Variants in GALNT15 observed in about 807,000 individuals in gnomAD.
The protein encoded by GALNT15 is UDP-GalNAc transferase T15.
GALNT15 carries 67 observed loss-of-function variants against 66.8 expected under a neutral mutation model. The observed-to-expected ratio is 1.00, with a 90% confidence interval of 0.82 to 1.23. The LOEUF is 1.23. Among genes scored for constraint, GALNT15 ranks in the 50% most tolerant of loss-of-function variants. GALNT15 has a pLI of 0.00. For missense variants in GALNT15, 827 were observed against 804.3 expected (o/e 1.03, Z -0.34); for synonymous variants, 313 against 311.5 (o/e 1.00, Z -0.05).
rs1484710163 is a variant in GALNT15 at position 16,224,039 on chromosome 3, T to C, written c.1773+1281T>C. 6.6e-6 allele frequency among the ~76,000 whole-genome samples: 1 copy of C among 152,160 alleles called. No individual in the cohort carries two copies. Among genetic ancestry groups the C allele is most frequent in the Non-Finnish European group, 1.5e-5 (1 of 68,034 alleles). ...AGTTAAGGTCCTTTATAAATGATCA[T>C]AAAGTATTTTTCTAAGCAAGTCCTA... is the stretch of plus-strand genomic sequence containing the variant. On this transcript the variant is annotated intron_variant, in intron 9 of 9. Coordinates refer to ENST00000339732, the MANE Select transcript of GALNT15 (RefSeq NM_054110.5). This position sits in a 1 kb window ranked among gnomAD's most constrained non-coding sequence, Gnocchi z 5.2.
chr3:16,199,638 G>C lies in GALNT15; in HGVS notation c.707-981G>C, dbSNP rs759787197. ...GTGAGTGATACAGAAGAGAGAGAGG[G>C]AAGAGCTGAACAAATATGTGGTTTC... On this transcript the variant is annotated intron_variant, in intron 2 of 9. Coordinates refer to ENST00000339732, the MANE Select transcript of GALNT15 (RefSeq NM_054110.5). 9.1e-5 allele frequency among the ~76,000 whole-genome samples: 9 copies of C among 98,854 alleles called. 2 individuals carry two copies. Among genetic ancestry groups the C allele is most frequent in the Non-Finnish European group, 1.6e-4 (7 of 43,876 alleles). 64.9% of individuals were successfully genotyped at this position (98,854 alleles called of 152,430 possible).
the GALNT15 span, among the ~76,000 whole-genome samples, chr3:16,240,041 T>C: frequency 6.6e-6 from 1 of 152,218 alleles, no homozygotes; most frequent in Non-Finnish European, 1.5e-5. Context: ...AATCCTCCCC[T>C]TCTTAGTCCA....
Position 16,204,052 on chromosome 3 carries a change from TA to T in GALNT15, c.911+3241del, listed in dbSNP as rs1268563817. ...AGAAAAGGGTCTTTAAGAGCTCTTA[TA>T]AAAAAAAAAAAGTGGGGTGGGAGTG... On this transcript the variant is annotated intron_variant, in intron 3 of 9. Coordinates refer to ENST00000339732, the MANE Select transcript of GALNT15 (RefSeq NM_054110.5). The surrounding 1 kb of genome is among the most constrained non-coding windows in gnomAD (Gnocchi z 4.5). Among the ~76,000 whole-genome samples the T allele has an allele frequency of 0.015, 2,138 of 140,620 alleles. 38 individuals carry two copies. Among genetic ancestry groups the T allele is most frequent in the African/African-American group, 0.046 (1,764 of 38,534 alleles). 92.3% of individuals were successfully genotyped at this position (140,620 alleles called of 152,430 possible).
At position 16,184,865 on chromosome 3, in the gene GALNT15, G is replaced by A. The variant is rs977162603; in HGVS notation, c.539+9175G>A. Among the ~76,000 whole-genome samples, 2 of 152,176 alleles carry A rather than the reference G, an allele frequency of 1.3e-5. No individual in the cohort carries two copies. Among genetic ancestry groups the A allele is most frequent in the Non-Finnish European group, 2.9e-5 (2 of 68,020 alleles). ...CTACCCTCTGCCCTTAGGGGTGAGG[G>A]TGCTGGGTGTTTAATAAACCAACTC... On this transcript the variant is annotated intron_variant, in intron 1 of 9. Transcript: ENST00000339732. The surrounding 1 kb of genome is among the most constrained non-coding windows in gnomAD (Gnocchi z 5.0).
intron 8 of GALNT15, 144 bp downstream of exon 8, chr3:16,220,158 T>C (rs1423426315): frequency 1.5e-6 from 1 of 676,816 alleles, no homozygotes; most frequent in Non-Finnish European, 2.7e-6. Flanking sequence ...TCCCCCACTG[T>C]AATGACTCAT....
downstream of GALNT15, among the ~76,000 whole-genome samples, chr3:16,230,416 C>T (rs1212768545): frequency 6.6e-6 from 1 of 152,098 alleles, no homozygotes; most frequent in Non-Finnish European, 1.5e-5. The surrounding 1 kb of genome is among the most constrained non-coding windows in gnomAD (Gnocchi z 4.5). Context: ...ACCACTGCAG[C>T]AGAACTTGAC....
At chr3:16,218,241 A>G (rs1316412713) in intron 6 of GALNT15, among the ~76,000 whole-genome samples, 1 of 152,142 alleles carries the variant, frequency 6.6e-6, no homozygotes, top group East Asian at 1.9e-4. Flanking sequence ...AACCAAACCA[A>G]TCATACTTTA....
chr3:16,215,522 C>T (rs1459949876), intron 6 of GALNT15, among the ~76,000 whole-genome samples: 1 of 152,170 alleles, frequency 6.6e-6, no homozygotes, highest in Non-Finnish European at 1.5e-5. Context: ...CAAATGTAGA[C>T]ACCATACTTT....
intron 6 of GALNT15, among the ~76,000 whole-genome samples, chr3:16,213,824 C>T (rs1210671786): frequency 1.3e-5 from 2 of 152,204 alleles, no homozygotes; most frequent in Admixed American, 6.5e-5. Flanking sequence ...AGGGAAGCCC[C>T]ATAGAGCAGC....
At chr3:16,197,385 G>T (rs888630433) in intron 2 of GALNT15, among the ~76,000 whole-genome samples, 1 of 152,200 alleles carries the variant, frequency 6.6e-6, no homozygotes, top group African/African-American at 2.4e-5. Context: ...TGACATTGGG[G>T]TGCAAGGCCT....
At chr3:16,221,659 T>C (rs921043866) in intron 8 of GALNT15, among the ~76,000 whole-genome samples, 3 of 152,100 alleles carry the variant, frequency 2.0e-5, no homozygotes, top group Non-Finnish European at 4.4e-5. Flanking sequence ...CCTTGAAAAG[T>C]TTGACTAGAA....
chr3:16,218,522 G>A (rs556783454), intron 6 of GALNT15, among the ~76,000 whole-genome samples: 1 of 152,092 alleles, frequency 6.6e-6, no homozygotes, highest in African/African-American at 2.4e-5. Context: ...CTCCATCCTA[G>A]GACAATTGTA....
At chr3:16,178,210 T>C (rs757457081) in intron 1 of GALNT15, among the ~76,000 whole-genome samples, 2 of 152,106 alleles carry the variant, frequency 1.3e-5, no homozygotes, top group Non-Finnish European at 2.9e-5. Flanking sequence ...GTGATGTTCA[T>C]GAGTGTGTGA....
chr3:16,190,552 G>A (rs2063564659), intron 1 of GALNT15, among the ~76,000 whole-genome samples: 1 of 151,632 alleles, frequency 6.6e-6, no homozygotes, highest in Admixed American at 6.6e-5. Flanking sequence ...GCAGGAGAAT[G>A]GCGTGAGCCC....
the GALNT15 span, among the ~76,000 whole-genome samples, chr3:16,239,659 C>T: frequency 6.6e-6 from 1 of 152,190 alleles, no homozygotes; most frequent in South Asian, 2.1e-4. The surrounding 1 kb of genome is among the most constrained non-coding windows in gnomAD (Gnocchi z 5.2). Flanking sequence ...TTTTACTGCA[C>T]AGCTTCCAAT....
chr3:16,243,087 C>G, the GALNT15 span, among the ~76,000 whole-genome samples: 2 of 152,212 alleles, frequency 1.3e-5, no homozygotes, highest in African/African-American at 4.8e-5. Flanking sequence ...CATTTTCCCA[C>G]CAGCTCTCCT....
Position 16,209,067 on chromosome 3 carries a change from G to A in GALNT15, c.1079+397G>A, listed in dbSNP as rs553958356. Among the ~76,000 whole-genome samples the A allele has an allele frequency of 4.6e-5, 7 of 152,114 alleles. No homozygotes were observed. The highest frequency in any genetic ancestry group is 7.4e-5 in the Non-Finnish European group (5 of 68,014). On this transcript the variant is annotated intron_variant, in intron 4 of 9. Coordinates refer to ENST00000339732, the MANE Select transcript of GALNT15 (RefSeq NM_054110.5). This position sits in a 1 kb window ranked among gnomAD's most constrained non-coding sequence, Gnocchi z 4.1. ...GTACAGTGTGAATTCCTCAGGTCTC[G>A]TCTTAGCAAATAGGAAGAATTCAAC...
rs17851238 is a variant in GALNT15, at chr3:16,212,665, G to A, written c.1294G>A (p.Ala432Thr). 0.12 allele frequency: 187,503 copies of A among 1,613,808 alleles called. 12,961 individuals are homozygous for A. The highest frequency in any genetic ancestry group is 0.3 in the African/African-American group (22,656 of 74,948). The change falls in exon 6 of 10, where the codon GCC (alanine) becomes ACC (threonine). Residue 432 changes from alanine to threonine, a missense_variant. By Grantham distance (58) the Ala-to-Thr change is moderately conservative (BLOSUM62 0). Coordinates refer to ENST00000339732, the MANE Select transcript of GALNT15 (RefSeq NM_054110.5). ...QDSHSPLDQE[A>T]TLRNRVRIAE... The stretch of plus-strand genomic sequence containing the variant: ...TTCCCATTCCCCCCTCGACCAGGAG[G>A]CCACCCTGAGGAACAGGGTTCGCAT...
At position 16,175,068 on chromosome 3, in the gene GALNT15, G is replaced by C; in HGVS notation, c.-84G>C. 7.3e-7 allele frequency: 1 copy of C among 1,378,806 alleles called. No homozygotes were observed. The highest frequency in any genetic ancestry group is 1.0e-6 in the Non-Finnish European group (1 of 1,001,922). 85.4% of individuals were successfully genotyped at this position (1,378,806 alleles called of 1,614,324 possible). On this transcript the variant is annotated 5_prime_UTR_variant, in exon 1 of 10. Coordinates refer to ENST00000339732, the MANE Select transcript of GALNT15 (RefSeq NM_054110.5). The surrounding 1 kb of genome is among the most constrained non-coding windows in gnomAD (Gnocchi z 5.6). The stretch of plus-strand genomic sequence containing the variant: ...ACTTCCAGGTGGAACAAGCAACCCA[G>C]GTTCTGCTGCAAGCTTGAAGGAGCC...
Sources: allele counts gnomAD v4.1 joint callset (sites outside exome capture counted in the v4.1 genomes callset), GRCh38; gene constraint gnomAD v4.1.1; non-coding constraint Gnocchi (gnomAD v3.1); transcripts MANE v1.5; gene names NCBI Gene and HGNC (gene_info 2026-07-23, HGNC 2026-07-21).